Variants in TENM2 observed in about 807,000 individuals in gnomAD.
TENM2 encodes teneurin transmembrane protein 2.
In TENM2, 52 loss-of-function variants were observed where a neutral mutation model predicts 245.2. The observed-to-expected ratio is 0.21, with a 90% CI of 0.17 to 0.27. The LOEUF (loss-of-function observed/expected upper bound fraction) is 0.27. Among genes scored for constraint, TENM2 ranks in the 10% least tolerant of loss-of-function variants. The pLI is 1.00. For synonymous variants in TENM2, 1,363 were observed against 1,438.9 expected (o/e 0.95, Z 1.19); for missense variants, 3,046 against 3,666.8 (o/e 0.83, Z 4.37).
At chr5:167,627,400 T>C (rs181139816) in intron 2 of TENM2, among the ~76,000 whole-genome samples, 36 of 152,222 alleles carry the variant, frequency 2.4e-4, no homozygotes, top group Non-Finnish European at 4.0e-4. Flanking sequence ...CCTGCTGATA[T>C]TAAACTGCAG....
At chr5:167,152,713 C>G in the TENM2 span, among the ~76,000 whole-genome samples, 1 of 152,036 alleles carries the variant, frequency 6.6e-6, no homozygotes, top group Non-Finnish European at 1.5e-5. Flanking sequence ...GGAGGCAGCT[C>G]CTAAGTGACT....
chr5:167,600,137 TA>T (rs1171047047), intron 2 of TENM2, among the ~76,000 whole-genome samples: 1 of 152,156 alleles, frequency 6.6e-6, no homozygotes, highest in Admixed American at 6.5e-5. Flanking sequence ...TTCCCAAGGC[TA>T]TTTTATTGCA....
intron 27 of TENM2, among the ~76,000 whole-genome samples, chr5:168,255,795 T>A (rs995915861): frequency 6.6e-6 from 1 of 152,068 alleles, no homozygotes; most frequent in East Asian, 1.9e-4. Flanking sequence ...AAAATTTATT[T>A]TTTATTTATT....
At chr5:168,113,391 C>A (rs1312544309) in intron 9 of TENM2, among the ~76,000 whole-genome samples, 1 of 152,014 alleles carries the variant, frequency 6.6e-6, no homozygotes. Flanking sequence ...TTTTTAAATA[C>A]ATTATTTGAA....
intron 1 of TENM2, among the ~76,000 whole-genome samples, chr5:167,297,838 G>A (rs112587352): frequency 0.071 from 10,765 of 151,966 alleles, 1,062 homozygotes; most frequent in East Asian, 0.21. Flanking sequence ...GGGGGTCACA[G>A]GGTGTTCAGT....
chr5:167,499,780 G>A (rs1769049355), intron 2 of TENM2, among the ~76,000 whole-genome samples: 1 of 151,990 alleles, frequency 6.6e-6, no homozygotes, highest in African/African-American at 2.4e-5. Context: ...TTCAGTCAAG[G>A]GGTCTGTGTG....
At chr5:167,493,794 AAAG>A (rs2127546249) in intron 2 of TENM2, among the ~76,000 whole-genome samples, 1 of 152,228 alleles carries the variant, frequency 6.6e-6, no homozygotes, top group South Asian at 2.1e-4. Flanking sequence ...CTATAACAGG[AAAG>A]AAGGAGTATT....
chr5:168,189,134 T>C (rs993410049), intron 13 of TENM2, among the ~76,000 whole-genome samples: 1 of 152,160 alleles, frequency 6.6e-6, no homozygotes, highest in African/African-American at 2.4e-5. Flanking sequence ...AGGACACTCA[T>C]CCATTTATAG....
chr5:167,126,726 A>G, the TENM2 span, among the ~76,000 whole-genome samples: 3 of 152,234 alleles, frequency 2.0e-5, no homozygotes, highest in Non-Finnish European at 4.4e-5. Flanking sequence ...AACCGTATCC[A>G]TTTTATTTTA....
chr5:167,609,488 C>CAAAAAAAAAAAAAAAAAAAAAA (rs5873049), intron 2 of TENM2, among the ~76,000 whole-genome samples: 2 of 36,690 alleles, frequency 5.5e-5, no homozygotes, highest in African/African-American at 9.8e-5. Flanking sequence ...CCTGATGATG[C>CAAAAAAAAAAAAAAAAAAAAAA]AAAAAAAAAA....
At chr5:167,743,640 A>G (rs936820730) in intron 2 of TENM2, among the ~76,000 whole-genome samples, 1 of 152,226 alleles carries the variant, frequency 6.6e-6, no homozygotes, top group African/African-American at 2.4e-5. Flanking sequence ...AATAAACCTC[A>G]AAGAGAAAGA....
the TENM2 span, among the ~76,000 whole-genome samples, chr5:166,991,011 GA>G: frequency 4.0e-5 from 6 of 151,568 alleles, no homozygotes; most frequent in Non-Finnish European, 7.4e-5. Flanking sequence ...AAGCAAAAGA[GA>G]AAAAAAGGAA....
chr5:167,633,445 A>G (rs1778999065), intron 2 of TENM2, among the ~76,000 whole-genome samples: 3 of 152,200 alleles, frequency 2.0e-5, no homozygotes, highest in African/African-American at 7.2e-5. Flanking sequence ...GAATTTGGAG[A>G]GGAAAATTTT....
intron 25 of TENM2, among the ~76,000 whole-genome samples, chr5:168,236,965 TA>T (rs1765514206): frequency 8.0e-4 from 5 of 6,266 alleles, no homozygotes; most frequent in Admixed American, 2.0e-3. Context: ...TATATATATA[TA>T]TATATATATA....
chr5:168,167,642 C>T (rs891759030), intron 13 of TENM2, among the ~76,000 whole-genome samples: 2 of 152,214 alleles, frequency 1.3e-5, no homozygotes, highest in South Asian at 2.1e-4. Flanking sequence ...CTTTTCCCCT[C>T]GTTCCGTTTC....
intron 5 of TENM2, among the ~76,000 whole-genome samples, chr5:167,997,482 T>C (rs953951704): frequency 6.6e-6 from 1 of 152,168 alleles, no homozygotes; most frequent in African/African-American, 2.4e-5. Flanking sequence ...CCAGTTGTCT[T>C]GTGTTATAGA....
At chr5:167,496,355 T>C (rs1768817365) in intron 2 of TENM2, among the ~76,000 whole-genome samples, 1 of 152,080 alleles carries the variant, frequency 6.6e-6, no homozygotes, top group Admixed American at 6.6e-5. Context: ...AAAATGACAC[T>C]GAGAGGATCT....
chr5:168,249,601 G>A (rs1352039122), intron 27 of TENM2, among the ~76,000 whole-genome samples: 1 of 152,146 alleles, frequency 6.6e-6, no homozygotes, highest in Non-Finnish European at 1.5e-5. Context: ...GGAAGGCTAT[G>A]AACAAATGTC....
intron 2 of TENM2, among the ~76,000 whole-genome samples, chr5:167,475,267 A>G (rs1362579842): frequency 6.6e-6 from 1 of 152,202 alleles, no homozygotes; most frequent in East Asian, 1.9e-4. Context: ...GCCTTCCTCA[A>G]AATTTGGGCT....
Sources: gnomAD v4.1 joint callset for allele counts (sites outside exome capture counted in the v4.1 genomes callset) on GRCh38, gnomAD v4.1.1 for gene constraint, MANE v1.5 for transcripts, NCBI Gene and HGNC (gene_info 2026-07-23, HGNC 2026-07-21) for gene names.